The following CPS1 variants were observed in gnomAD, a reference collection of about 807,000 sequenced individuals.
CPS1 encodes carbamoyl-phosphate synthase [ammonia], mitochondrial.
A neutral mutation model predicts 174.6 loss-of-function variants in CPS1; 109 were observed. The ratio of observed to expected loss-of-function variants is 0.62; its 90% CI spans 0.53 to 0.73. CPS1 has a LOEUF of 0.73. Among genes scored for constraint, CPS1 ranks in the 30% least tolerant of loss-of-function variants. The probability of loss-of-function intolerance (pLI) is 0.00; values close to 1 mark genes in which losing one functional copy is unlikely to be tolerated. For missense variants in CPS1, 1,689 were observed against 1,821.9 expected, an observed-to-expected ratio of 0.93 and a Z score of 1.33; for synonymous variants, 637 against 632.0, an observed-to-expected ratio of 1.01 and a Z score of -0.12.
chr2:210,525,230 A>G (rs1000320740), intron 1 of CPS1, among the ~76,000 whole-genome samples: 7 of 151,930 alleles, frequency 4.6e-5, no homozygotes, highest in Non-Finnish European at 8.8e-5. Context: ...TGTAAAACTT[A>G]GTATATATAA....
At chr2:210,606,275 G>A (rs1014639039) in intron 17 of CPS1, among the ~76,000 whole-genome samples, 4 of 151,878 alleles carry the variant, frequency 2.6e-5, no homozygotes, top group Non-Finnish European at 5.9e-5. Context: ...TCCGGAGGCA[G>A]TGAAGATCTG....
intron 1 of CPS1, among the ~76,000 whole-genome samples, chr2:210,542,588 T>G (rs771262028): frequency 2.0e-5 from 3 of 152,214 alleles, no homozygotes; most frequent in East Asian, 3.9e-4. Flanking sequence ...GCTCTTTAGA[T>G]GCCGTGTTGT....
Position 210,577,446 on chromosome 2 carries a change from A to G in CPS1, c.407A>G (p.Tyr136Cys). ...IKVSGLLVLD[Y>C]SKDYNHWLAT... is the part of the protein sequence containing the mutation. ...GTTTCAGGTTTGCTGGTGCTGGATT[A>G]TAGTAAAGACTACAACCACTGGCTG... Residue 136 changes from tyrosine (Y) to cysteine (C), a missense_variant, in exon 4 of 38, where the codon TAT (tyrosine) becomes TGT (cysteine). By Grantham distance (194) the Tyr-to-Cys change is radical. Coordinates refer to ENST00000233072, the MANE Select transcript of CPS1 (RefSeq NM_001875.5). 1 of 1,613,948 alleles carries G rather than the reference A, an allele frequency of 6.2e-7. No homozygotes were observed. The highest frequency in any genetic ancestry group is 8.5e-7 in the Non-Finnish European group (1 of 1,179,874).
intron 6 of CPS1, among the ~76,000 whole-genome samples, chr2:210,585,869 G>A (rs550288532): frequency 4.0e-5 from 6 of 151,702 alleles, no homozygotes; most frequent in South Asian, 2.1e-4. Flanking sequence ...TATCCTACCC[G>A]CTCCTGTGAC....
At chr2:210,641,762 A>G (rs13391067) in intron 24 of CPS1, among the ~76,000 whole-genome samples, 33,207 of 152,182 alleles carry the variant, frequency 0.22, 7,183 homozygotes, top group African/African-American at 0.56. Flanking sequence ...TTAATATGCC[A>G]GTATATTTGA....
chr2:210,629,903 AAT>A (rs986573503), intron 21 of CPS1, among the ~76,000 whole-genome samples: 68 of 150,482 alleles, frequency 4.5e-4, no homozygotes, highest in African/African-American at 1.7e-3. Context: ...ACAAAAAAAA[AAT>A]TAAATTAAAA....
At chr2:210,504,642 G>A (rs1695231040) in intron 1 of CPS1, among the ~76,000 whole-genome samples, 1 of 152,186 alleles carries the variant, frequency 6.6e-6, no homozygotes, top group South Asian at 2.1e-4. Flanking sequence ...GGAGTAACAA[G>A]CAAGTAAAGG....
chr2:210,511,581 G>A (rs572709628), intron 1 of CPS1, among the ~76,000 whole-genome samples: 1 of 152,142 alleles, frequency 6.6e-6, no homozygotes, highest in South Asian at 2.1e-4. Context: ...GTCCATGGGA[G>A]CTGATGAAGA....
At chr2:210,498,608 T>C (rs886540154) in intron 1 of CPS1, among the ~76,000 whole-genome samples, 1 of 152,178 alleles carries the variant, frequency 6.6e-6, no homozygotes, top group Non-Finnish European at 1.5e-5. Context: ...GAGAGACAGT[T>C]TGACATCTTC....
intron 21 of CPS1, 101 bp downstream of exon 21, chr2:210,616,642 G>T: frequency 3.7e-6 from 3 of 809,902 alleles, no homozygotes; most frequent in Non-Finnish European, 6.6e-6. Context: ...GTGATTCAAT[G>T]AGGTAGATAG....
chr2:210,610,302 C>T (rs1354544637), intron 19 of CPS1, among the ~76,000 whole-genome samples: 1 of 151,496 alleles, frequency 6.6e-6, no homozygotes. Context: ...TGTTGTCAAA[C>T]AAAAAATAAA....
intron 6 of CPS1, among the ~76,000 whole-genome samples, chr2:210,583,655 A>C (rs1698004848): frequency 6.6e-6 from 1 of 152,136 alleles, no homozygotes; most frequent in Admixed American, 6.6e-5. Flanking sequence ...AGTTACGCAC[A>C]GTTTGGGATG....
intron 29 of CPS1, among the ~76,000 whole-genome samples, chr2:210,654,463 A>G (rs1007117697): frequency 7.2e-5 from 11 of 152,092 alleles, no homozygotes; most frequent in Admixed American, 2.6e-4. Context: ...GAAGTTCCCA[A>G]TCGAATCCTG....
intron 32 of CPS1, among the ~76,000 whole-genome samples, chr2:210,662,175 C>G (rs1700946399): frequency 6.6e-6 from 1 of 152,124 alleles, no homozygotes; most frequent in African/African-American, 2.4e-5. Flanking sequence ...CTCGGCCTCC[C>G]AAAGTGCTGG....
intron 22 of CPS1, 140 bp downstream of exon 22, chr2:210,637,983 A>C: frequency 1.1e-6 from 1 of 929,088 alleles, no homozygotes; most frequent in Non-Finnish European, 1.7e-6. Flanking sequence ...TGATGCTCAT[A>C]ATGTCACCAA....
At chr2:210,620,927 C>T (rs561729321) in intron 21 of CPS1, among the ~76,000 whole-genome samples, 1 of 152,170 alleles carries the variant, frequency 6.6e-6, no homozygotes, top group African/African-American at 2.4e-5. Flanking sequence ...TGAGTGCTTG[C>T]CCCCTCAGAA....
intron 1 of CPS1, among the ~76,000 whole-genome samples, chr2:210,484,250 T>C (rs2105943620): frequency 6.6e-6 from 1 of 152,250 alleles, no homozygotes; most frequent in Admixed American, 6.5e-5. Context: ...GGTCAACCTG[T>C]GCAAAGATGA....
At chr2:210,569,678 T>G (rs1697415352) in intron 1 of CPS1, among the ~76,000 whole-genome samples, 1 of 152,044 alleles carries the variant, frequency 6.6e-6, no homozygotes, top group South Asian at 2.1e-4. Flanking sequence ...GTCTGAGACT[T>G]GAATGTCTAA....
At chr2:210,497,881 A>AATACATACAT (rs1695030769) in intron 1 of CPS1, among the ~76,000 whole-genome samples, 1 of 54,452 alleles carries the variant, frequency 1.8e-5, no homozygotes, top group South Asian at 8.2e-4. Context: ...TTGGTAGAAC[A>AATACATACAT]ATATATACAT....
Sources: gnomAD v4.1 joint callset for allele counts (sites outside exome capture counted in the v4.1 genomes callset) on GRCh38, gnomAD v4.1.1 for gene constraint, MANE v1.5 for transcripts, NCBI Gene and HGNC (gene_info 2026-07-23, HGNC 2026-07-21) for gene names.